Variants in CSGALNACT1 observed in about 807,000 individuals in gnomAD.
The protein encoded by CSGALNACT1 is chondroitin sulfate N-acetylgalactosaminyltransferase 1.
In CSGALNACT1, 52 loss-of-function variants were observed where a neutral mutation model predicts 51.0. That is an observed-to-expected ratio of 1.02 (90% CI 0.82 to 1.29). The LOEUF (loss-of-function observed/expected upper bound fraction) is 1.29. CSGALNACT1 is among the 50% of genes most tolerant of loss of function. CSGALNACT1 has a pLI of 0.00. For synonymous variants in CSGALNACT1, 341 were observed against 254.4 expected (o/e 1.34, Z -3.24); for missense variants, 935 against 679.2 (o/e 1.38, Z -4.19).
At chr8:19,615,029 A>T (rs1410139224) in intron 1 of CSGALNACT1, among the ~76,000 whole-genome samples, 4 of 152,232 alleles carry the variant, frequency 2.6e-5, no homozygotes, top group Admixed American at 2.6e-4. Flanking sequence ...ACTTTAATGT[A>T]AAACACTATT....
chr8:19,477,268 C>A lies in CSGALNACT1; in HGVS notation c.635-18626G>T, dbSNP rs748892291. On this transcript the variant is annotated intron_variant, in intron 4 of 9. Coordinates refer to ENST00000454498, the Ensembl canonical transcript of CSGALNACT1. ...AAGGCCACTCAGGCTCCCCATAGAG[C>A]TGGGCAGTGGGGGTTCCCTGTGTAG... Among the ~76,000 whole-genome samples the A allele has an allele frequency of 3.3e-5, 5 of 152,206 alleles. 1 individual carries two copies. Among genetic ancestry groups the A allele is most frequent in the Non-Finnish European group, 7.3e-5 (5 of 68,030 alleles).
intron 1 of CSGALNACT1, among the ~76,000 whole-genome samples, chr8:19,651,086 G>GA (rs2057761635): frequency 6.6e-6 from 1 of 152,150 alleles, no homozygotes; most frequent in South Asian, 2.1e-4. Context: ...ATAGGGGTCA[G>GA]AAAGCTTTTC....
At chr8:19,483,825 G>T (rs1362552717) in intron 4 of CSGALNACT1, among the ~76,000 whole-genome samples, 3 of 152,198 alleles carry the variant, frequency 2.0e-5, no homozygotes, top group Non-Finnish European at 4.4e-5. Flanking sequence ...AAGTGAATAT[G>T]TAGCAACAGC....
chr8:19,612,955 A>G (rs77177243), intron 1 of CSGALNACT1, among the ~76,000 whole-genome samples: 1 of 131,424 alleles, frequency 7.6e-6, no homozygotes, highest in African/African-American at 3.4e-5. Context: ...GGAAAAAAAA[A>G]AAAAAAAAAA....
chr8:19,407,784 TGTGGACATTTGTGTATATGAATTGTGTGC>T (rs2054575392), intron 9 of CSGALNACT1, among the ~76,000 whole-genome samples: 1 of 149,538 alleles, frequency 6.7e-6, no homozygotes, highest in African/African-American at 2.6e-5. Context: ...TGTGTGCACA[TGTGGACATTTGTGTATATGAATTGTGTGC>T]GCATGTGGAC....
chr8:19,412,081 C>A (rs1363973910), intron 8 of CSGALNACT1, among the ~76,000 whole-genome samples: 1 of 152,210 alleles, frequency 6.6e-6, no homozygotes, highest in Non-Finnish European at 1.5e-5. Flanking sequence ...GATCCACCTG[C>A]CTCAGCCTCC....
intron 1 of CSGALNACT1, among the ~76,000 whole-genome samples, chr8:19,690,311 G>A (rs1024423131): frequency 2.6e-5 from 4 of 151,898 alleles, no homozygotes; most frequent in Non-Finnish European, 4.4e-5. Context: ...TAAAATCTTC[G>A]TTATCCAGAT....
At chr8:19,450,591 T>A (rs2063002897) in intron 5 of CSGALNACT1, among the ~76,000 whole-genome samples, 1 of 152,092 alleles carries the variant, frequency 6.6e-6, no homozygotes, top group Non-Finnish European at 1.5e-5. Context: ...GGCATTTGAT[T>A]TCCACAAACA....
At chr8:19,425,861 G>T (rs1192263443) in intron 6 of CSGALNACT1, among the ~76,000 whole-genome samples, 1 of 151,968 alleles carries the variant, frequency 6.6e-6, no homozygotes, top group African/African-American at 2.4e-5. Context: ...CTACTCCTGC[G>T]AACATCACTC....
At chr8:19,708,501 G>A (rs1301735751) in intron 1 of CSGALNACT1, among the ~76,000 whole-genome samples, 1 of 152,202 alleles carries the variant, frequency 6.6e-6, no homozygotes, top group African/African-American at 2.4e-5. Context: ...CCAACCAAGT[G>A]AAATAAAGCA....
chr8:19,431,793 T>C (rs944099334), intron 6 of CSGALNACT1, among the ~76,000 whole-genome samples: 2 of 142,044 alleles, frequency 1.4e-5, no homozygotes, highest in African/African-American at 5.0e-5. Flanking sequence ...TGGGCTTTCC[T>C]CTGTGGAAAG....
chr8:19,444,526 T>A (rs2061813095), intron 5 of CSGALNACT1, among the ~76,000 whole-genome samples: 1 of 152,190 alleles, frequency 6.6e-6, no homozygotes, highest in Non-Finnish European at 1.5e-5. Context: ...GATATTGATA[T>A]TTTACATGTG....
chr8:19,496,204 G>T (rs1462305972), intron 4 of CSGALNACT1, among the ~76,000 whole-genome samples: 1 of 152,176 alleles, frequency 6.6e-6, no homozygotes, highest in Non-Finnish European at 1.5e-5. Flanking sequence ...AAAACTCAAA[G>T]AATATGTATC....
At chr8:19,662,847 C>A (rs563184789) in intron 1 of CSGALNACT1, among the ~76,000 whole-genome samples, 1 of 152,084 alleles carries the variant, frequency 6.6e-6, no homozygotes, top group African/African-American at 2.4e-5. Context: ...GTCCTATTCT[C>A]CCCCCATTCA....
At chr8:19,411,386 A>T (rs2055694550) in intron 8 of CSGALNACT1, among the ~76,000 whole-genome samples, 1 of 152,210 alleles carries the variant, frequency 6.6e-6, no homozygotes. Flanking sequence ...GTTCACGACT[A>T]CATCTCCAGC....
chr8:19,450,308 TAGG>T (rs534588020), intron 5 of CSGALNACT1, among the ~76,000 whole-genome samples: 12 of 103,162 alleles, frequency 1.2e-4, no homozygotes, highest in African/African-American at 2.3e-4. Flanking sequence ...GGAGGAGGAA[TAGG>T]AGGAGGAGGA....
intron 3 of CSGALNACT1, among the ~76,000 whole-genome samples, chr8:19,541,865 G>T (rs767979524): frequency 1.1e-4 from 16 of 152,050 alleles, no homozygotes; most frequent in Non-Finnish European, 1.9e-4. Flanking sequence ...AGAATGAAGG[G>T]CCACTGTTAA....
chr8:19,414,881 G>A (rs1036209805), intron 8 of CSGALNACT1, among the ~76,000 whole-genome samples: 3 of 152,184 alleles, frequency 2.0e-5, no homozygotes, highest in Non-Finnish European at 2.9e-5. Context: ...TCTCTTTCAA[G>A]ACTGAGTCAG....
intron 1 of CSGALNACT1, among the ~76,000 whole-genome samples, chr8:19,644,209 A>C (rs1240015830): frequency 6.6e-6 from 1 of 152,164 alleles, no homozygotes; most frequent in Non-Finnish European, 1.5e-5. Context: ...GATTAAAGGC[A>C]AATATACCAA....
Sources: gnomAD v4.1 joint callset for allele counts (sites outside exome capture counted in the v4.1 genomes callset) on GRCh38, gnomAD v4.1.1 for gene constraint, MANE v1.5 for transcripts, NCBI Gene and HGNC (gene_info 2026-07-23, HGNC 2026-07-21) for gene names.